The following LSM12 variants were observed in gnomAD, a reference collection of about 807,000 sequenced individuals.
LSM12 encodes the protein protein LSM12.
For synonymous variants in LSM12, 74 were observed against 87.3 expected (o/e 0.85, Z 0.85); for missense variants, 108 against 238.9 (o/e 0.45, Z 3.61).
upstream of LSM12, chr17:44,066,782 T>A: frequency 3.2e-6 from 2 of 620,670 alleles, no homozygotes; most frequent in Non-Finnish European, 4.5e-6. Context: ...CTGAAAAGTA[T>A]TTGTATAGCT....
intron 4 of LSM12, 50 bp from the exon 5 acceptor site, chr17:44,036,350 G>C: frequency 6.2e-7 from 1 of 1,611,252 alleles, no homozygotes; most frequent in Non-Finnish European, 8.5e-7. Context: ...CGGAAGAAAG[G>C]TCTCCCAAAC....
At chr17:44,061,861 T>C (rs999147871) in intron 2 of LSM12, among the ~76,000 whole-genome samples, 1 of 152,166 alleles carries the variant, frequency 6.6e-6, no homozygotes, top group Non-Finnish European at 1.5e-5. Context: ...GTATATTCAA[T>C]AGTAAATAAA....
At chr17:44,053,442 G>A (rs895910457) in intron 2 of LSM12, among the ~76,000 whole-genome samples, 5 of 152,116 alleles carry the variant, frequency 3.3e-5, no homozygotes, top group South Asian at 2.1e-4. Context: ...AGTGCAGAGC[G>A]GGTCTCACCA....
chr17:44,049,909 T>C (rs893531750), intron 2 of LSM12, among the ~76,000 whole-genome samples: 1 of 152,114 alleles, frequency 6.6e-6, no homozygotes, highest in African/African-American at 2.4e-5. Context: ...ATTTGGGTCT[T>C]CCAACCAGCT....
intron 2 of LSM12, among the ~76,000 whole-genome samples, chr17:44,047,046 C>T (rs758758995): frequency 5.3e-5 from 8 of 151,948 alleles, no homozygotes; most frequent in African/African-American, 1.9e-4. Flanking sequence ...TTTGATAGTT[C>T]TAAATCTGCC....
intron 2 of LSM12, among the ~76,000 whole-genome samples, chr17:44,052,653 G>A (rs1383894301): frequency 6.6e-6 from 1 of 151,902 alleles, no homozygotes; most frequent in East Asian, 1.9e-4. Flanking sequence ...CAGCTACTTG[G>A]GAGGCTGAGG....
At position 44,066,582 on chromosome 17, in the gene LSM12, C is replaced by A; in HGVS notation, c.6G>T (p.Ala2=). The change falls in exon 1 of 5, where the codon GCG becomes GCT. Residue 2 remains alanine (A), a synonymous_variant. Coordinates refer to ENST00000293406, the MANE Select transcript of LSM12 (RefSeq NM_001371445.1). M[A]APPGEYFSVG... ...CGCTGAAGTACTCGCCCGGAGGAGCCGCCATCTTGGGAGTGCAGCCGCGGC... is the reference window on the plus strand; with the variant it reads ...CGCTGAAGTACTCGCCCGGAGGAGCAGCCATCTTGGGAGTGCAGCCGCGGC... 2 of 1,456,208 alleles carry A rather than the reference C, an allele frequency of 1.4e-6. No homozygotes were observed. The highest frequency in any genetic ancestry group is 2.6e-5 in the Admixed American group (1 of 39,162). The allele number at this position is 1,456,208 out of a possible 1,614,324, so 90.2% of individuals were successfully genotyped here. A position where few individuals can be genotyped will look rare whatever the true frequency, so the allele number is the denominator to read the frequency against.
chr17:44,064,953 G>A (rs183842359), intron 1 of LSM12, among the ~76,000 whole-genome samples: 2 of 151,478 alleles, frequency 1.3e-5, no homozygotes, highest in Admixed American at 6.6e-5. Context: ...CTAACACGGT[G>A]AAACCCCGTC....
rs564702068 is a variant in LSM12 at position 44,052,115 on chromosome 17, T to G, written c.258+11686A>C. Reference sequence around the variant, plus strand: ...AGCAAGACTCCATCTTAGAAAAAATTTAAAAAGTTTAAATTAGCCAGGCAC... The same window carrying G: ...AGCAAGACTCCATCTTAGAAAAAATGTAAAAAGTTTAAATTAGCCAGGCAC... On this transcript the variant is annotated intron_variant, in intron 2 of 4. Transcript: ENST00000293406. Among the ~76,000 whole-genome samples the G allele has an allele frequency of 1.4e-3, 218 of 151,268 alleles. 1 individual carries two copies. The highest frequency in any genetic ancestry group is 4.9e-3 in the African/African-American group (200 of 41,214).
intron 2 of LSM12, among the ~76,000 whole-genome samples, chr17:44,046,794 G>A (rs1378277805): frequency 1.6e-5 from 2 of 124,954 alleles, no homozygotes; most frequent in African/African-American, 3.1e-5. Flanking sequence ...GCAATGGCGC[G>A]ATCTTGGCTC....
intron 2 of LSM12, among the ~76,000 whole-genome samples, chr17:44,041,452 A>T (rs1451494141): frequency 6.6e-6 from 1 of 152,146 alleles, no homozygotes; most frequent in Non-Finnish European, 1.5e-5. Context: ...CCACAATCTG[A>T]GACTCTAAAA....
At chr17:44,057,017 G>A (rs1436423990) in intron 2 of LSM12, among the ~76,000 whole-genome samples, 6 of 151,652 alleles carry the variant, frequency 4.0e-5, no homozygotes, top group Admixed American at 3.3e-4. Flanking sequence ...TAAGACGGAC[G>A]TGGTGGGGCG....
chr17:44,055,120 G>A (rs944738331), intron 2 of LSM12, among the ~76,000 whole-genome samples: 17 of 152,018 alleles, frequency 1.1e-4, no homozygotes, highest in Non-Finnish European at 2.5e-4. Context: ...AAAGTGCTGG[G>A]ATTACAGGTG....
chr17:44,047,683 C>A (rs1395264684), intron 2 of LSM12, among the ~76,000 whole-genome samples: 1 of 152,064 alleles, frequency 6.6e-6, no homozygotes, highest in Non-Finnish European at 1.5e-5. Context: ...CCACCTCAGC[C>A]TCCCAAGCAT....
chr17:44,062,816 A>G (rs1213702717), intron 2 of LSM12, among the ~76,000 whole-genome samples: 2 of 151,824 alleles, frequency 1.3e-5, no homozygotes, highest in African/African-American at 4.8e-5. Context: ...TGAGCTCAGG[A>G]GTTCAAGACC....
chr17:44,055,745 ATG>A (rs2049705333), intron 2 of LSM12, among the ~76,000 whole-genome samples: 1 of 146,466 alleles, frequency 6.8e-6, no homozygotes. Flanking sequence ...TATATAATAT[ATG>A]TGTATATATA....
At chr17:44,038,515 C>T (rs1420951343) in intron 3 of LSM12, among the ~76,000 whole-genome samples, 4 of 151,226 alleles carry the variant, frequency 2.6e-5, no homozygotes, top group Non-Finnish European at 5.9e-5. Context: ...ATTAGCTGGG[C>T]GTGGGACTGC....
At chr17:44,036,418 C>A in intron 4 of LSM12, 118 bp from the exon 5 acceptor site, 1 of 1,329,300 alleles carries the variant, frequency 7.5e-7, no homozygotes, top group South Asian at 1.3e-5. Context: ...GGTGTCCAGG[C>A]ACCTTTGCCC....
chr17:44,066,591 G>C lies in LSM12; in HGVS notation c.-4C>G. 1 of 1,428,334 alleles carries C rather than the reference G, an allele frequency of 7.0e-7. No homozygotes were observed. Among genetic ancestry groups the C allele is most frequent in the South Asian group, 1.4e-5 (1 of 69,312 alleles). The allele number at this position is 1,428,334 out of a possible 1,614,324, so 88.5% of individuals were successfully genotyped here. ...ACTCGCCCGGAGGAGCCGCCATCTT[G>C]GGAGTGCAGCCGCGGCCGGCGGCGG... On this transcript the variant is annotated 5_prime_UTR_variant, in exon 1 of 5. Transcript: ENST00000293406.
Sources: allele counts gnomAD v4.1 joint callset (sites outside exome capture counted in the v4.1 genomes callset), GRCh38; gene constraint gnomAD v4.1.1; transcripts MANE v1.5; gene names NCBI Gene and HGNC (gene_info 2026-07-23, HGNC 2026-07-21).